RNF135: variants seen among roughly 807,000 people sequenced by gnomAD.
RNF135 encodes the protein E3 ubiquitin-protein ligase RNF135.
In RNF135, 46 loss-of-function variants were observed where a neutral mutation model predicts 41.9. The observed-to-expected ratio is 1.10, with a 90% CI of 0.87 to 1.40. The LOEUF is 1.40. Among genes scored for constraint, RNF135 ranks in the 40% most tolerant of loss-of-function variants. The pLI is 0.00. For synonymous variants in RNF135, 238 were observed against 223.8 expected (o/e 1.06, Z -0.57); for missense variants, 539 against 549.8 (o/e 0.98, Z 0.20).
At chr17:30,998,641 G>A (rs1567751047) in intron 4 of RNF135, 21 bp from the exon 5 acceptor site, 1 of 1,608,732 alleles carries the variant, frequency 6.2e-7, no homozygotes, top group Non-Finnish European at 8.5e-7. Flanking sequence ...TGTTCTTATT[G>A]TTCTTTTTTT....
chr17:30,977,173 A>G (rs1394282381), intron 1 of RNF135, among the ~76,000 whole-genome samples: 2 of 152,208 alleles, frequency 1.3e-5, no homozygotes, highest in African/African-American at 4.8e-5. Context: ...TTTTAAGCTG[A>G]TAACAACTTG....
At chr17:30,971,817 T>C (rs1056496640) in intron 1 of RNF135, 72 of 745,016 alleles carry the variant, frequency 9.7e-5, no homozygotes, top group Non-Finnish European at 1.2e-4. Context: ...GGAGTCTCGC[T>C]CTGTCGCCCA....
chr17:30,964,389 CAAAA>C, the RNF135 span, among the ~76,000 whole-genome samples: 5 of 37,200 alleles, frequency 1.3e-4, no homozygotes, highest in African/African-American at 1.6e-4. Flanking sequence ...GACTTCATCT[CAAAA>C]AAAAAAAAAA....
chr17:30,990,243 C>G (rs755610612), intron 3 of RNF135, among the ~76,000 whole-genome samples: 1 of 151,530 alleles, frequency 6.6e-6, no homozygotes, highest in Non-Finnish European at 1.5e-5. Context: ...CAAAACAGGG[C>G]TGGGCGCGGT....
chr17:30,985,232 C>T (rs1213503464), intron 2 of RNF135, among the ~76,000 whole-genome samples: 1 of 152,178 alleles, frequency 6.6e-6, no homozygotes, highest in Non-Finnish European at 1.5e-5. Flanking sequence ...AGTTGTAGGT[C>T]CCTTTGTTTC....
upstream of RNF135, among the ~76,000 whole-genome samples, chr17:30,969,788 G>A (rs1905739722): frequency 8.1e-6 from 1 of 124,178 alleles, no homozygotes. Context: ...TTTTTGAGAC[G>A]GAGTCTCCCT....
At chr17:30,961,186 T>C in the RNF135 span, among the ~76,000 whole-genome samples, 3 of 152,328 alleles carry the variant, frequency 2.0e-5, no homozygotes, top group South Asian at 6.2e-4. Flanking sequence ...AGTGGAATGC[T>C]GCTTAGCAAT....
At chr17:30,962,957 T>A in the RNF135 span, among the ~76,000 whole-genome samples, 1 of 152,150 alleles carries the variant, frequency 6.6e-6, no homozygotes, top group Non-Finnish European at 1.5e-5. Flanking sequence ...TTTTAACTGT[T>A]CTGATAGGTA....
Position 30,979,537 on chromosome 17 carries a change from C to CT in RNF135, c.373-5080_373-5079insT, listed in dbSNP as rs1355114097. 1.0e-3 allele frequency among the ~76,000 whole-genome samples: 91 copies of CT among 88,122 alleles called. 6 individuals are homozygous for CT. Among genetic ancestry groups the CT allele is most frequent in the African/African-American group, 3.3e-3 (86 of 26,440 alleles). The allele number at this position is 88,122 out of a possible 152,430, so 57.8% of individuals were successfully genotyped here. On this transcript the variant is annotated intron_variant, in intron 1 of 4. Coordinates refer to ENST00000328381, the MANE Select transcript of RNF135 (RefSeq NM_032322.4). The stretch of plus-strand genomic sequence containing the variant: ...CCGGACGGGGCAGCTGGCCGACCCC[C>CT]CCCCCCCGCCTCCCTCCCGGACGGG...
At chr17:30,976,948 A>G (rs962365241) in intron 1 of RNF135, among the ~76,000 whole-genome samples, 11 of 152,088 alleles carry the variant, frequency 7.2e-5, no homozygotes, top group African/African-American at 2.7e-4. Context: ...AATGTTATTG[A>G]TAAGTAATTC....
In RNF135 at chr17:30,984,779, G is replaced by A; in HGVS notation, c.516+19G>A. The A allele has an allele frequency of 1.2e-6, 2 of 1,613,792 alleles. No individual in the cohort carries two copies. Among genetic ancestry groups the A allele is most frequent in the Non-Finnish European group, 1.7e-6 (2 of 1,179,792 alleles). ...GGGCAAGGTAGGCTCCACTGGGAGA[G>A]GAAAGGATGTGGAAGGGAATAGGGC... On this transcript the variant is annotated intron_variant, in intron 2 of 4. Coordinates refer to ENST00000328381, the MANE Select transcript of RNF135 (RefSeq NM_032322.4).
rs745775948 is a variant in RNF135, at chr17:30,971,142, C to G, written c.69C>G (p.Ile23Met). 2.0e-6 allele frequency: 3 copies of G among 1,533,928 alleles called. No homozygotes were observed. In the African/African-American group the frequency reaches 4.1e-5, roughly 21 times the overall value. ...CCGAGGACGACCTCGGCTGCATCAT[C>G]TGCCAGGGGCTGCTGGACTGGCCCG... ...WLAEDDLGCI[I>M]CQGLLDWPAT... The change falls in exon 1 of 5, where the codon ATC (isoleucine) becomes ATG (methionine). Residue 23 changes from isoleucine (I) to methionine (M), a missense_variant. Coordinates refer to ENST00000328381, the MANE Select transcript of RNF135 (RefSeq NM_032322.4).
At chr17:30,969,750 C>CTTTTTTTTCTTTT (rs1905729368), upstream of RNF135, among the ~76,000 whole-genome samples, 1 of 141,798 alleles carries the variant, frequency 7.1e-6, no homozygotes, top group Non-Finnish European at 1.6e-5. Context: ...TCTTTTCTTT[C>CTTTTTTTTCTTTT]TTTTTTTTCT....
intron 1 of RNF135, chr17:30,975,788 C>G: frequency 9.3e-7 from 1 of 1,073,338 alleles, no homozygotes; most frequent in South Asian, 1.2e-5. Context: ...CATCCTGTAC[C>G]CCAACATCAA....
rs1357271388 is a variant in RNF135 at position 30,999,011 on chromosome 17, T to G, written c.1119T>G (p.Pro373=). 1 of 1,614,140 alleles carries G rather than the reference T, an allele frequency of 6.2e-7. No individual in the cohort carries two copies. The highest frequency in any genetic ancestry group is 2.2e-5 in the East Asian group (1 of 44,882). ...AAACTGTCCTTGGCTCAGACAGACC[T>G]GGGGTGGTGGGCATCTGGCTGAACC... ...VKETVLGSDR[P]GVVGIWLNLE... is the part of the protein sequence containing the mutation. The change falls in exon 5 of 5, where the codon CCT becomes CCG. Residue 373 remains proline (P), a synonymous_variant. Coordinates refer to ENST00000328381, the MANE Select transcript of RNF135 (RefSeq NM_032322.4).
intron 3 of RNF135, among the ~76,000 whole-genome samples, chr17:30,991,466 G>A (rs1907985765): frequency 6.6e-6 from 1 of 150,664 alleles, no homozygotes; most frequent in Non-Finnish European, 1.5e-5. Context: ...GTCCAGGTTG[G>A]AGTGCAGTGG....
the RNF135 span, among the ~76,000 whole-genome samples, chr17:30,962,072 G>A: frequency 1.3e-5 from 2 of 151,584 alleles, no homozygotes; most frequent in Non-Finnish European, 2.9e-5. Flanking sequence ...TGAGTGTGCT[G>A]CCCATTCTGC....
chr17:30,982,546 T>G (rs1488838245), intron 1 of RNF135, among the ~76,000 whole-genome samples: 2 of 152,194 alleles, frequency 1.3e-5, no homozygotes, highest in Admixed American at 6.6e-5. Context: ...AGTGCCTGTT[T>G]CAGTAATATA....
At chr17:30,963,950 C>T in the RNF135 span, among the ~76,000 whole-genome samples, 1 of 152,010 alleles carries the variant, frequency 6.6e-6, no homozygotes, top group African/African-American at 2.4e-5. Context: ...AAGATCTTCT[C>T]TACCAAAAAA....
Sources: gnomAD v4.1 joint callset for allele counts (sites outside exome capture counted in the v4.1 genomes callset) on GRCh38, gnomAD v4.1.1 for gene constraint, MANE v1.5 for transcripts, NCBI Gene and HGNC (gene_info 2026-07-23, HGNC 2026-07-21) for gene names.